The following ABI2 variants were observed in gnomAD, a reference collection of about 807,000 sequenced individuals.
ABI2 encodes the protein abl interactor 2, also known as abelson interactor 2.
In ABI2, 25 loss-of-function variants were observed where a neutral mutation model predicts 59.2. The ratio of observed to expected loss-of-function variants is 0.42; its 90% CI spans 0.31 to 0.59. ABI2 has a LOEUF of 0.59. ABI2 is among the 20% of genes least tolerant of loss of function. The pLI, the probability that ABI2 is intolerant of heterozygous loss-of-function variation, is 0.14. For missense variants in ABI2, 545 were observed against 681.8 expected (o/e 0.80, Z 2.23); for synonymous variants, 213 against 235.5 (o/e 0.90, Z 0.87).
intron 1 of ABI2, among the ~76,000 whole-genome samples, chr2:203,348,874 A>G (rs1020503703): frequency 6.6e-6 from 1 of 152,000 alleles, no homozygotes; most frequent in African/African-American, 2.4e-5. Context: ...TTTTTAAAAA[A>G]TAGTACAAAG....
chr2:203,346,422 G>C (rs2083597219), intron 1 of ABI2, among the ~76,000 whole-genome samples: 1 of 152,228 alleles, frequency 6.6e-6, no homozygotes, highest in Non-Finnish European at 1.5e-5. Flanking sequence ...TGTATCACCA[G>C]TGTGTATGAT....
intron 1 of ABI2, among the ~76,000 whole-genome samples, chr2:203,343,725 A>G (rs1559166379): frequency 1.3e-5 from 2 of 152,234 alleles, no homozygotes; most frequent in South Asian, 4.1e-4. Flanking sequence ...TGTTATTTGC[A>G]TATAGGCTCT....
intron 1 of ABI2, among the ~76,000 whole-genome samples, chr2:203,356,098 G>GATGATC (rs2091845141): frequency 6.6e-6 from 1 of 151,966 alleles, no homozygotes; most frequent in Non-Finnish European, 1.5e-5. Context: ...TCCTCATGAT[G>GATGATC]ATGATCCTTC....
At chr2:203,338,080 T>G (rs752083974) in intron 1 of ABI2, among the ~76,000 whole-genome samples, 48 of 152,170 alleles carry the variant, frequency 3.2e-4, no homozygotes, top group Non-Finnish European at 5.6e-4. Flanking sequence ...AAAAGACATG[T>G]AGACTAATGG....
In ABI2 at chr2:203,414,393, C is replaced by T. The variant is rs147866919; in HGVS notation, c.1280-2515C>T. Among the ~76,000 whole-genome samples, 572 of 152,218 alleles carry T rather than the reference C, an allele frequency of 3.8e-3. 7 individuals carry two copies. The highest frequency in any genetic ancestry group is 0.013 in the African/African-American group (548 of 41,548). On this transcript the variant is annotated intron_variant, in intron 10 of 11. Transcript: ENST00000261018. ...CTGGGATTACAGGCGTGAGCCTCCC[C>T]GCCTGGCCTTGTTTTGTTCTTTGTA...
chr2:203,390,123 G>A (rs552786450), intron 4 of ABI2, among the ~76,000 whole-genome samples: 3 of 152,254 alleles, frequency 2.0e-5, no homozygotes, highest in African/African-American at 7.2e-5. Flanking sequence ...TAGGAACATG[G>A]CTTGAACTTC....
intron 5 of ABI2, chr2:203,394,249 G>A (rs1017991433): frequency 1.3e-5 from 2 of 159,070 alleles, no homozygotes; most frequent in African/African-American, 4.8e-5. Context: ...TCAGTGTGGG[G>A]GTTATAGATC....
At chr2:203,378,056 A>C (rs1375829789) in intron 2 of ABI2, among the ~76,000 whole-genome samples, 1 of 152,148 alleles carries the variant, frequency 6.6e-6, no homozygotes, top group Non-Finnish European at 1.5e-5. Flanking sequence ...TCTCATAATT[A>C]GCCTAACATG....
intron 9 of ABI2, 26 bp from the exon 10 acceptor site, chr2:203,411,259 C>G (rs777065760): frequency 6.4e-7 from 1 of 1,571,506 alleles, no homozygotes; most frequent in East Asian, 2.2e-5. Flanking sequence ...TATCCCTTAT[C>G]CTCCACACCT....
At chr2:203,367,720 G>A (rs889337995) in intron 2 of ABI2, among the ~76,000 whole-genome samples, 1 of 151,768 alleles carries the variant, frequency 6.6e-6, no homozygotes, top group African/African-American at 2.4e-5. Flanking sequence ...TTTTTTAAAT[G>A]TAACTGTGGG....
At chr2:203,402,464 T>C in intron 8 of ABI2, 112 bp from the exon 9 acceptor site, 1 of 793,130 alleles carries the variant, frequency 1.3e-6, no homozygotes, top group Non-Finnish European at 1.8e-6. Flanking sequence ...CAGATACCAG[T>C]TAAACTAGCT....
At chr2:203,392,322 A>C in intron 5 of ABI2, among the ~76,000 whole-genome samples, 2 of 92,910 alleles carry the variant, frequency 2.2e-5, no homozygotes, top group Non-Finnish European at 4.9e-5. Flanking sequence ...CACCAACAAC[A>C]ACAACAACAA....
chr2:203,397,189 G>GT (rs1559329082), intron 8 of ABI2, among the ~76,000 whole-genome samples: 1 of 152,028 alleles, frequency 6.6e-6, no homozygotes, highest in Non-Finnish European at 1.5e-5. Flanking sequence ...ATAAATTTGT[G>GT]TTTTTTTATT....
intron 11 of ABI2, among the ~76,000 whole-genome samples, chr2:203,419,193 T>C (rs1000258450): frequency 7.2e-6 from 1 of 138,556 alleles, no homozygotes; most frequent in Non-Finnish European, 1.5e-5. Context: ...CACAGCAACC[T>C]CCACCTCCCG....
In ABI2 at chr2:203,412,920, T is replaced by A. The variant is rs2469963; in HGVS notation, c.1279+1549T>A. ...GGACTTTCCAATGCTGGTTCCATTC[T>A]ACATACTCCATACAAGGTGGAAAGT... On this transcript the variant is annotated intron_variant, in intron 10 of 11. Transcript: ENST00000261018. 4.2e-3 allele frequency among the ~76,000 whole-genome samples: 645 copies of A among 152,360 alleles called. 3 individuals are homozygous for A. The highest frequency in any genetic ancestry group is 0.013 in the African/African-American group (557 of 41,584).
At chr2:203,331,808 CTTTT>C (rs55695294) in intron 1 of ABI2, among the ~76,000 whole-genome samples, 44 of 121,934 alleles carry the variant, frequency 3.6e-4, no homozygotes, top group Admixed American at 4.2e-4. Flanking sequence ...GCTCAGTGTT[CTTTT>C]TTTTTTTTTT....
chr2:203,370,057 A>G (rs1013959192), intron 2 of ABI2, among the ~76,000 whole-genome samples: 3 of 152,192 alleles, frequency 2.0e-5, no homozygotes, highest in Non-Finnish European at 4.4e-5. Context: ...CAAATAGTAA[A>G]TACTCTAAAA....
In ABI2 at chr2:203,379,128, G is replaced by A. The variant is rs146737091; in HGVS notation, c.286-1080G>A. Among the ~76,000 whole-genome samples, 1,451 of 152,204 alleles carry A rather than the reference G, an allele frequency of 9.5e-3. 29 individuals carry two copies. The highest frequency in any genetic ancestry group is 0.056 in the South Asian group (269 of 4,822). On this transcript the variant is annotated intron_variant, in intron 2 of 11. Coordinates refer to ENST00000261018, the MANE Select transcript of ABI2 (RefSeq NM_001375670.1). Reference sequence around the variant, plus strand: ...TTGTAATTACAATACATTCTTACTCGTATGTCTTATGTGAGCATTTAATAA... The same window carrying A: ...TTGTAATTACAATACATTCTTACTCATATGTCTTATGTGAGCATTTAATAA...
intron 1 of ABI2, among the ~76,000 whole-genome samples, chr2:203,354,169 A>G (rs2090609765): frequency 6.6e-6 from 1 of 152,044 alleles, no homozygotes; most frequent in South Asian, 2.1e-4. Flanking sequence ...CTTGGCCTCC[A>G]AGTAGCTGGG....
Sources: allele counts gnomAD v4.1 joint callset (sites outside exome capture counted in the v4.1 genomes callset), GRCh38; gene constraint gnomAD v4.1.1; transcripts MANE v1.5; gene names NCBI Gene and HGNC (gene_info 2026-07-23, HGNC 2026-07-21).